Variants in PLD1 observed in about 807,000 individuals in gnomAD.
PLD1 encodes phospholipase D1.
In PLD1, 112 loss-of-function variants were observed where a neutral mutation model predicts 137.1. The observed-to-expected ratio is 0.82, with a 90% CI of 0.70 to 0.96. The LOEUF is 0.96. PLD1 is among the 40% of genes least tolerant of loss of function. The pLI, the probability that PLD1 is intolerant of heterozygous loss-of-function variation, is 0.00. For synonymous variants in PLD1, 431 were observed against 454.7 expected (o/e 0.95, Z 0.66); for missense variants, 1,321 against 1,342.0 (o/e 0.98, Z 0.24).
chr3:171,772,708 T>C (rs1722424683), intron 1 of PLD1, among the ~76,000 whole-genome samples: 1 of 152,214 alleles, frequency 6.6e-6, no homozygotes, highest in African/African-American at 2.4e-5. Flanking sequence ...ATGTTATTAC[T>C]TTGATGTTGG....
At chr3:171,619,936 G>A (rs360406) in intron 24 of PLD1, among the ~76,000 whole-genome samples, 14 of 152,134 alleles carry the variant, frequency 9.2e-5, no homozygotes, top group Admixed American at 3.3e-4. Flanking sequence ...AAAAAAAAGG[G>A]AGTAATAAAG....
At chr3:171,625,605 T>G (rs1243846346) in intron 23 of PLD1, among the ~76,000 whole-genome samples, 1 of 152,184 alleles carries the variant, frequency 6.6e-6, no homozygotes, top group Admixed American at 6.5e-5. Context: ...CACCCCCCCG[T>G]AGGTGCAGAC....
chr3:171,696,409 T>G (rs891729712), intron 12 of PLD1, among the ~76,000 whole-genome samples: 1 of 152,214 alleles, frequency 6.6e-6, no homozygotes, highest in South Asian at 2.1e-4. Flanking sequence ...ACTTGGTTAT[T>G]AATCAGATAC....
At chr3:171,776,441 G>C (rs1472737326) in intron 1 of PLD1, among the ~76,000 whole-genome samples, 1 of 152,202 alleles carries the variant, frequency 6.6e-6, no homozygotes, top group Non-Finnish European at 1.5e-5. Context: ...TCTGATTGGT[G>C]ATCCAGAGTG....
rs1004629376 is a variant in PLD1 at position 171,700,995 on chromosome 3, T to C, written c.1146-1169A>G. ...GCAGCAGAGGTAGACTATGTCAGGA[T>C]GAAAGCCTTATGGAATTCTGCACTG... On this transcript the variant is annotated intron_variant, in intron 11 of 26. Transcript: ENST00000351298. Among the ~76,000 whole-genome samples, 4 of 152,230 alleles carry C rather than the reference T, an allele frequency of 2.6e-5. No homozygotes were observed. In the South Asian group the frequency reaches 8.3e-4, roughly 31 times the overall value.
intron 23 of PLD1, among the ~76,000 whole-genome samples, chr3:171,620,740 C>CTATATA (rs780459684): frequency 8.4e-4 from 68 of 80,490 alleles, no homozygotes; most frequent in African/African-American, 2.5e-3. Flanking sequence ...CTCTCTCTCT[C>CTATATA]TCTATATATA....
At chr3:171,718,200 A>G (rs1440417117) in intron 8 of PLD1, among the ~76,000 whole-genome samples, 1 of 152,236 alleles carries the variant, frequency 6.6e-6, no homozygotes, top group Non-Finnish European at 1.5e-5. Flanking sequence ...TAGAAAATCT[A>G]CAAGAAACAG....
intron 1 of PLD1, among the ~76,000 whole-genome samples, chr3:171,772,606 G>A (rs992429946): frequency 1.3e-5 from 2 of 152,132 alleles, no homozygotes; most frequent in Non-Finnish European, 2.9e-5. Flanking sequence ...CGAGCCTCAA[G>A]ACCTGTGGCT....
At chr3:171,610,025 T>C (rs1041240838) in intron 25 of PLD1, among the ~76,000 whole-genome samples, 3 of 152,172 alleles carry the variant, frequency 2.0e-5, no homozygotes, top group South Asian at 2.1e-4. Flanking sequence ...AAAATGTGAA[T>C]TAAAATGGTG....
chr3:171,645,945 C>A (rs192369201), intron 21 of PLD1, among the ~76,000 whole-genome samples: 58 of 150,600 alleles, frequency 3.9e-4, no homozygotes, highest in African/African-American at 1.4e-3. Flanking sequence ...AAGTCCCCTG[C>A]ACATACAACA....
intron 15 of PLD1, 109 bp from the exon 16 acceptor site, chr3:171,686,907 T>C (rs1442772323): frequency 3.5e-6 from 2 of 567,724 alleles, no homozygotes; most frequent in Middle Eastern, 4.7e-4. Context: ...ACATCAGTCT[T>C]AAGATTCTGT....
intron 25 of PLD1, among the ~76,000 whole-genome samples, chr3:171,605,969 G>A (rs970963953): frequency 6.6e-6 from 1 of 152,236 alleles, no homozygotes; most frequent in African/African-American, 2.4e-5. Context: ...GTAGACATCA[G>A]TGCAGAGGAG....
intron 1 of PLD1, among the ~76,000 whole-genome samples, chr3:171,760,839 T>G (rs922725774): frequency 1.3e-5 from 2 of 152,196 alleles, no homozygotes; most frequent in African/African-American, 2.4e-5. Context: ...AAGCAATGGA[T>G]CGTATTAAAA....
At chr3:171,710,869 G>GTTTTTTTTTTTT (rs1281179100) in intron 9 of PLD1, among the ~76,000 whole-genome samples, 4 of 98,676 alleles carry the variant, frequency 4.1e-5, no homozygotes, top group African/African-American at 1.6e-4. Flanking sequence ...TAGGAAAACT[G>GTTTTTTTTTTTT]TTCTTTTTTT....
chr3:171,662,209 T>A, intron 19 of PLD1, 39 bp from the exon 20 acceptor site: 1 of 1,110,350 alleles, frequency 9.0e-7, no homozygotes, highest in Non-Finnish European at 1.4e-6. Flanking sequence ...GTATTAGCAA[T>A]GGAGAGGACA....
chr3:171,708,013 G>T (rs1163392317), intron 11 of PLD1, among the ~76,000 whole-genome samples: 3 of 152,204 alleles, frequency 2.0e-5, no homozygotes, highest in Non-Finnish European at 4.4e-5. Context: ...AAAATAAGGG[G>T]TAATTCAGGC....
intron 1 of PLD1, among the ~76,000 whole-genome samples, chr3:171,761,702 A>G (rs1354920032): frequency 6.6e-6 from 1 of 151,922 alleles, no homozygotes; most frequent in Non-Finnish European, 1.5e-5. Flanking sequence ...AAGTCCTGAG[A>G]CTCCCAGATA....
chr3:171,650,006 C>T (rs964194377), intron 21 of PLD1, among the ~76,000 whole-genome samples: 2 of 152,164 alleles, frequency 1.3e-5, no homozygotes, highest in Non-Finnish European at 2.9e-5. Context: ...TGCTATAAAA[C>T]ATTAAATCAT....
In PLD1 at chr3:171,737,916, G is replaced by T; in HGVS notation, c.136C>A (p.Pro46Thr). The T allele has an allele frequency of 6.2e-7, 1 of 1,613,740 alleles. No individual in the cohort carries two copies. Among genetic ancestry groups the T allele is most frequent in the Non-Finnish European group, 8.5e-7 (1 of 1,179,910 alleles). ...EGEEVDYDVS[P>T]SDPKIQEVYI... Reference sequence around the variant, plus strand: ...CCTTCTTGTATCTTGGGATCGCTGGGAGACACGTCGTAGTCTACCTCCTCT... The same window carrying T: ...CCTTCTTGTATCTTGGGATCGCTGGTAGACACGTCGTAGTCTACCTCCTCT... The change falls in exon 2 of 27, where the codon CCC becomes ACC. Residue 46 changes from proline to threonine, a missense_variant. Pro to Thr is a conservative substitution (Grantham distance 38, BLOSUM62 -1). Coordinates refer to ENST00000351298, the MANE Select transcript of PLD1 (RefSeq NM_002662.5).
Sources: allele counts gnomAD v4.1 joint callset (sites outside exome capture counted in the v4.1 genomes callset), GRCh38; gene constraint gnomAD v4.1.1; transcripts MANE v1.5; gene names NCBI Gene and HGNC (gene_info 2026-07-23, HGNC 2026-07-21).